Variants in CDKL5 observed in about 807,000 individuals in gnomAD.
CDKL5 encodes cyclin dependent kinase like 5, also known as cyclin-dependent kinase-like 5.
CDKL5 carries 8 observed loss-of-function variants against 61.7 expected under a neutral mutation model. The observed-to-expected ratio is 0.13, with a 90% CI of 0.08 to 0.23. The LOEUF (loss-of-function observed/expected upper bound fraction) is 0.23, where lower values mean the gene tolerates loss of function less well. Among genes scored for constraint, CDKL5 ranks in the 10% least tolerant of loss-of-function variants. The pLI, the probability that CDKL5 is intolerant of heterozygous loss-of-function variation, is 1.00. For synonymous variants in CDKL5, 275 were observed against 272.3 expected, an observed-to-expected ratio of 1.01 and a Z score of -0.10; for missense variants, 440 against 734.5, an observed-to-expected ratio of 0.60 and a Z score of 4.63.
At chrX:18,586,423 C>G (rs1925646878) in intron 8 of CDKL5, among the ~76,000 whole-genome samples, 2 of 111,300 alleles carry the variant, frequency 1.8e-5, no homozygotes, top group Non-Finnish European at 3.8e-5. Flanking sequence ...TGTAACATGG[C>G]CCCAAAAAGT....
chrX:18,571,607 A>T (rs956583426), intron 4 of CDKL5, among the ~76,000 whole-genome samples: 7 of 111,018 alleles, frequency 6.3e-5, no homozygotes, highest in African/African-American at 2.3e-4. Context: ...TACTTTGTGT[A>T]CCTCTGAGAA....
rs112868120 is a variant in CDKL5 at position 18,646,223 on chromosome X, G to A, written c.2797+133G>A. On this transcript the variant is annotated intron_variant, in intron 20 of 21. Coordinates refer to the CDKL5 transcript ENST00000379989. ...CTGGTGTGCAGTGGCACACAATCTC[G>A]GCTCACTGCAACCTCCGCCTCCCAG... 1.3e-4 allele frequency: 133 copies of A among 1,009,220 alleles called. 1 individual carries two copies. In the South Asian group the frequency reaches 2.3e-3, roughly 18 times the overall value. The allele number at this position is 1,009,220 out of a possible 1,213,427, so 83.2% of individuals were successfully genotyped here.
chrX:18,509,108 A>T (rs1488975134), intron 2 of CDKL5, among the ~76,000 whole-genome samples: 2 of 97,231 alleles, frequency 2.1e-5, no homozygotes, highest in African/African-American at 7.6e-5. Flanking sequence ...ACACACACAC[A>T]CACACACACA....
rs1927491883 is a variant in CDKL5, at chrX:18,639,494, A to T, written c.*10737A>T. On this transcript the variant is annotated 3_prime_UTR_variant, in exon 18 of 18. Coordinates refer to ENST00000623535, the MANE Select transcript of CDKL5 (RefSeq NM_001323289.2). ...TCACACATTATGGGTATAGTCAAAG[A>T]TGGACAGTAACAAGTGTTGCTGAGG... is the stretch of plus-strand genomic sequence containing the variant. 8.9e-6 allele frequency among the ~76,000 whole-genome samples: 1 copy of T among 112,368 alleles called. No homozygotes were observed. Among genetic ancestry groups the T allele is most frequent in the Admixed American group, 9.4e-5 (1 of 10,621 alleles).
At chrX:18,549,251 G>A (rs931256622) in intron 3 of CDKL5, among the ~76,000 whole-genome samples, 5 of 111,638 alleles carry the variant, frequency 4.5e-5, no homozygotes, top group Non-Finnish European at 3.8e-5. Flanking sequence ...ATGAATAATT[G>A]CAAAAATTAA....
intron 10 of CDKL5, among the ~76,000 whole-genome samples, chrX:18,595,730 C>G (rs867283102): frequency 2.7e-5 from 3 of 112,151 alleles, no homozygotes; most frequent in Admixed American, 1.9e-4. Context: ...TAAAACAAAT[C>G]TTAAAATCAA....
intron 11 of CDKL5, among the ~76,000 whole-genome samples, chrX:18,602,288 C>T (rs777152681): frequency 4.5e-5 from 5 of 112,244 alleles, no homozygotes; most frequent in African/African-American, 1.3e-4. Flanking sequence ...ATGAGACAGT[C>T]TATCACTATT....
chrX:18,521,317 A>T (rs948564795), intron 3 of CDKL5, among the ~76,000 whole-genome samples: 3 of 112,188 alleles, frequency 2.7e-5, no homozygotes, highest in Non-Finnish European at 3.8e-5. Flanking sequence ...CTAATTTTGT[A>T]GGTTGCCTTT....
intron 1 of CDKL5, among the ~76,000 whole-genome samples, chrX:18,484,925 A>G (rs5909186): frequency 0.011 from 1,177 of 109,809 alleles, 6 homozygotes; most frequent in Non-Finnish European, 0.018. Context: ...TGCCCGGCTG[A>G]CTTTGTAATT....
intron 3 of CDKL5, among the ~76,000 whole-genome samples, chrX:18,563,377 T>G (rs1365493794): frequency 8.9e-6 from 1 of 111,842 alleles, no homozygotes; most frequent in African/African-American, 3.2e-5. Flanking sequence ...AAATTGGCAG[T>G]TCTTCCTTCC....
chrX:18,582,856 C>T (rs1925527073), intron 7 of CDKL5, among the ~76,000 whole-genome samples: 2 of 111,252 alleles, frequency 1.8e-5, no homozygotes. Flanking sequence ...TCTTGTCACT[C>T]AGTATTTTCA....
At chrX:18,549,858 C>A (rs1053907401) in intron 3 of CDKL5, among the ~76,000 whole-genome samples, 1 of 111,590 alleles carries the variant, frequency 9.0e-6, no homozygotes, top group African/African-American at 3.3e-5. Context: ...AACAGTCTTT[C>A]AAGGCTGCTT....
rs1301526496 is a variant in CDKL5, at chrX:18,613,236, G to C, written c.2237G>C (p.Gly746Ala). ...VSSLPSESSS[G>A]TNHSKRQPAF... ...TCTCTACCATCAGAGAGCAGTTCTG[G>C]AACCAACCACTCAAAAAGACAACCA... Residue 746 changes from glycine to alanine, a missense_variant, in exon 15 of 18, where the codon GGA becomes GCA. This residue lies in a region of CDKL5 where 363 missense variants were observed against 516.3 expected (regional missense o/e 0.70). Transcript: ENST00000623535. 1 of 1,202,275 alleles carries C rather than the reference G, an allele frequency of 8.3e-7. No individual in the cohort carries two copies.
At chrX:18,500,032 C>T (rs1314515665) in intron 1 of CDKL5, among the ~76,000 whole-genome samples, 2 of 111,736 alleles carry the variant, frequency 1.8e-5, no homozygotes, top group East Asian at 5.6e-4. Context: ...CATAAACCTA[C>T]AGTTCAAGTT....
At chrX:18,465,000 G>C (rs1464032373) in intron 1 of CDKL5, among the ~76,000 whole-genome samples, 1 of 111,904 alleles carries the variant, frequency 8.9e-6, no homozygotes, top group Admixed American at 9.5e-5. Context: ...GGTGCTTGCT[G>C]TATCCACAAA....
chrX:18,564,346 G>C, intron 3 of CDKL5, 131 bp from the exon 4 acceptor site: 1 of 357,956 alleles, frequency 2.8e-6, no homozygotes, highest in Non-Finnish European at 5.2e-6. Flanking sequence ...TGGCGGGGGA[G>C]AGGAAGATGA....
At chrX:18,478,035 C>T (rs1433710263) in intron 1 of CDKL5, among the ~76,000 whole-genome samples, 1 of 111,208 alleles carries the variant, frequency 9.0e-6, no homozygotes, top group African/African-American at 3.3e-5. Flanking sequence ...AGTCATGTTA[C>T]TGTCTAGTGT....
intron 3 of CDKL5, among the ~76,000 whole-genome samples, chrX:18,563,197 A>G (rs1455695117): frequency 1.8e-5 from 2 of 111,868 alleles, no homozygotes; most frequent in African/African-American, 6.5e-5. Context: ...GGTTCCTGAT[A>G]TGGTCTGTCC....
chrX:18,509,197 G>GCACGCGCGCGCACACACACACACA (rs1204561636), intron 2 of CDKL5, among the ~76,000 whole-genome samples: 4 of 64,308 alleles, frequency 6.2e-5, no homozygotes, highest in South Asian at 1.1e-3. Context: ...CTCAAAACAC[G>GCACGCGCGCGCACACACACACACA]CACACACACA....
Sources: allele counts gnomAD v4.1 joint callset (sites outside exome capture counted in the v4.1 genomes callset), GRCh38; gene constraint gnomAD v4.1.1; regional missense constraint gnomAD v4.1.1; transcripts MANE v1.5; gene names NCBI Gene and HGNC (gene_info 2026-07-23, HGNC 2026-07-21).